The following MED13L variants were observed in gnomAD, a reference collection of about 807,000 sequenced individuals.
The protein encoded by MED13L is mediator complex subunit 13L, also known as mediator of RNA polymerase II transcription subunit 13-like.
A neutral mutation model predicts 220.9 loss-of-function variants in MED13L; 7 were observed. The observed-to-expected ratio is 0.03, with a 90% CI of 0.02 to 0.06. The LOEUF (loss-of-function observed/expected upper bound fraction) is 0.06. MED13L is among the 10% of genes least tolerant of loss of function. The pLI is 1.00. For missense variants in MED13L, 1,965 were observed against 2,760.5 expected, an observed-to-expected ratio of 0.71 and a Z score of 6.46; for synonymous variants, 1,011 against 1,015.2, an observed-to-expected ratio of 1.00 and a Z score of 0.08.
intron 2 of MED13L, among the ~76,000 whole-genome samples, chr12:116,175,066 A>T (rs945656743): frequency 6.6e-6 from 1 of 152,224 alleles, no homozygotes; most frequent in Non-Finnish European, 1.5e-5. Context: ...TGTCTCCAAA[A>T]AAAGAAAAGA....
chr12:116,030,531 A>G (rs910838334), intron 4 of MED13L, among the ~76,000 whole-genome samples: 7 of 152,204 alleles, frequency 4.6e-5, no homozygotes, highest in Non-Finnish European at 1.0e-4. Flanking sequence ...GAAGAAAATA[A>G]TAACAAAAAT....
chr12:116,254,444 CAT>C (rs1565951743), intron 1 of MED13L, among the ~76,000 whole-genome samples: 1 of 151,836 alleles, frequency 6.6e-6, no homozygotes, highest in Non-Finnish European at 1.5e-5. Context: ...TAACAGTAAA[CAT>C]GTCAAAAAAT....
At chr12:116,211,093 A>G (rs1882674646) in intron 2 of MED13L, among the ~76,000 whole-genome samples, 1 of 152,204 alleles carries the variant, frequency 6.6e-6, no homozygotes, top group South Asian at 2.1e-4. Flanking sequence ...GCCGCTAGCC[A>G]GAAGAAAACT....
chr12:116,174,734 A>G (rs1034223188), intron 2 of MED13L: 2 of 152,206 alleles, frequency 1.3e-5, no homozygotes, highest in African/African-American at 4.8e-5. Flanking sequence ...ATGTCAGTCT[A>G]TCATGTAAGA....
chr12:116,138,191 A>AT (rs1490465141), intron 2 of MED13L, among the ~76,000 whole-genome samples: 2 of 152,216 alleles, frequency 1.3e-5, no homozygotes, highest in African/African-American at 2.4e-5. Context: ...TTTCAATTCT[A>AT]TATTTGTTAA....
At chr12:116,030,913 C>T (rs1880699106) in intron 4 of MED13L, among the ~76,000 whole-genome samples, 1 of 152,182 alleles carries the variant, frequency 6.6e-6, no homozygotes, top group African/African-American at 2.4e-5. Context: ...CAAGGCTCAA[C>T]CCATTTCTCT....
intron 1 of MED13L, among the ~76,000 whole-genome samples, chr12:116,250,324 C>T (rs531234126): frequency 1.6e-4 from 24 of 151,006 alleles, no homozygotes; most frequent in Non-Finnish European, 2.9e-4. Context: ...CAGAAGCCAA[C>T]AGACCTGCAG....
At chr12:116,257,039 G>A (rs1872121649) in intron 1 of MED13L, among the ~76,000 whole-genome samples, 3 of 152,064 alleles carry the variant, frequency 2.0e-5, no homozygotes, top group Admixed American at 6.6e-5. Flanking sequence ...AGTGTAAATC[G>A]TTTAGAGGTA....
intron 2 of MED13L, among the ~76,000 whole-genome samples, chr12:116,185,225 G>A (rs1880801172): frequency 6.6e-6 from 1 of 152,014 alleles, no homozygotes; most frequent in African/African-American, 2.4e-5. Context: ...GTGGTCAGTA[G>A]AAAGCAATAT....
chr12:116,006,361 C>T lies in MED13L; in HGVS notation c.2289G>A (p.Thr763=), dbSNP rs370795699. 1.9e-5 allele frequency: 30 copies of T among 1,613,924 alleles called. No homozygotes were observed. Among genetic ancestry groups the T allele is most frequent in the Non-Finnish European group, 2.5e-5 (29 of 1,179,948 alleles). The change falls in exon 12 of 31, where the codon ACG becomes ACA. Residue 763 remains threonine (T), a synonymous_variant. Transcript: ENST00000281928. ...TKDVTTPGHS[T]PVPDGKNAMS... ...TGGCATTTTTCCCATCAGGCACCGGCGTGGAATGACCTGGTGTAGTGACAT... is the reference window on the plus strand; with the variant it reads ...TGGCATTTTTCCCATCAGGCACCGGTGTGGAATGACCTGGTGTAGTGACAT...
At chr12:116,002,677 A>C (rs1175778463) in intron 14 of MED13L, among the ~76,000 whole-genome samples, 1 of 152,238 alleles carries the variant, frequency 6.6e-6, no homozygotes, top group Non-Finnish European at 1.5e-5. Context: ...TATCAGTTTG[A>C]AAAATCACTT....
intron 2 of MED13L, among the ~76,000 whole-genome samples, chr12:116,136,690 A>T (rs1370955022): frequency 1.3e-5 from 2 of 152,178 alleles, no homozygotes; most frequent in Non-Finnish European, 2.9e-5. Context: ...GTGGCATATA[A>T]TATTATGCTC....
At chr12:116,054,459 C>A (rs1455472458) in intron 4 of MED13L, among the ~76,000 whole-genome samples, 1 of 152,194 alleles carries the variant, frequency 6.6e-6, no homozygotes, top group African/African-American at 2.4e-5. Flanking sequence ...ACCTGTATAC[C>A]TTCTTTGAGT....
intron 16 of MED13L, among the ~76,000 whole-genome samples, 200 bp from the exon 17 acceptor site, chr12:115,992,157 G>GT (rs1878107473): frequency 6.6e-6 from 1 of 151,398 alleles, no homozygotes; most frequent in African/African-American, 2.4e-5. Context: ...GAAGAAGAAA[G>GT]TAAGGTATGA....
At chr12:115,981,004 A>C in intron 22 of MED13L, 66 bp from the exon 23 acceptor site, 1 of 1,389,152 alleles carries the variant, frequency 7.2e-7, no homozygotes, top group Non-Finnish European at 9.9e-7. Flanking sequence ...TAACACACTA[A>C]CAAGCAAGCT....
chr12:115,970,320 C>A (rs1876493616), intron 27 of MED13L, among the ~76,000 whole-genome samples: 1 of 152,070 alleles, frequency 6.6e-6, no homozygotes, highest in Admixed American at 6.6e-5. Flanking sequence ...CACCTAAGTA[C>A]AGAACAGTGC....
At chr12:116,205,648 T>C (rs775697170) in intron 2 of MED13L, among the ~76,000 whole-genome samples, 5 of 150,392 alleles carry the variant, frequency 3.3e-5, no homozygotes, top group Non-Finnish European at 5.9e-5. Flanking sequence ...CAGAAGAAAA[T>C]GGGTTACAAA....
chr12:116,006,506 CT>C (rs1879055332), intron 11 of MED13L, 95 bp from the exon 12 acceptor site: 1 of 960,814 alleles, frequency 1.0e-6, no homozygotes, highest in Non-Finnish European at 1.7e-6. Context: ...TAGAATGGAA[CT>C]TGTTATGAGC....
At chr12:116,101,066 T>C (rs1873029065) in intron 3 of MED13L, among the ~76,000 whole-genome samples, 1 of 152,214 alleles carries the variant, frequency 6.6e-6, no homozygotes, top group African/African-American at 2.4e-5. Context: ...TATTAAATAC[T>C]ACCACTAATG....
Sources: gnomAD v4.1 joint callset for allele counts (sites outside exome capture counted in the v4.1 genomes callset) on GRCh38, gnomAD v4.1.1 for gene constraint, MANE v1.5 for transcripts, NCBI Gene and HGNC (gene_info 2026-07-23, HGNC 2026-07-21) for gene names.